The following PRKCE variants were observed in gnomAD, a reference collection of about 807,000 sequenced individuals.
PRKCE encodes protein kinase C epsilon, also known as protein kinase C epsilon type.
A neutral mutation model predicts 85.4 loss-of-function variants in PRKCE; 16 were observed. The observed-to-expected ratio is 0.19, with a 90% CI of 0.13 to 0.28. The LOEUF (loss-of-function observed/expected upper bound fraction) is 0.28, where lower values mean the gene tolerates loss of function less well. PRKCE is among the 10% of genes least tolerant of loss of function. The pLI is 1.00. For synonymous variants in PRKCE, 388 were observed against 371.5 expected, an observed-to-expected ratio of 1.04 and a Z score of -0.51; for missense variants, 573 against 975.2, an observed-to-expected ratio of 0.59 and a Z score of 5.49.
intron 10 of PRKCE, among the ~76,000 whole-genome samples, chr2:46,016,976 A>G (rs576504422): frequency 6.7e-6 from 1 of 149,930 alleles, no homozygotes; most frequent in East Asian, 1.9e-4. Context: ...CTGCCTAATG[A>G]TGTCTCTATG....
intron 1 of PRKCE, among the ~76,000 whole-genome samples, chr2:45,702,971 G>C (rs180989059): frequency 6.6e-6 from 1 of 151,952 alleles, no homozygotes; most frequent in Non-Finnish European, 1.5e-5. Flanking sequence ...TAACAGCCTC[G>C]GCAGATAACA....
chr2:45,990,983 G>GTTTC (rs1418354767), intron 6 of PRKCE, among the ~76,000 whole-genome samples: 1 of 149,356 alleles, frequency 6.7e-6, no homozygotes, highest in Non-Finnish European at 1.5e-5. Flanking sequence ...TATAATGTTA[G>GTTTC]TTTCTTTCTT....
intron 2 of PRKCE, among the ~76,000 whole-genome samples, chr2:45,899,567 G>C (rs1263954457): frequency 6.6e-6 from 1 of 151,994 alleles, no homozygotes; most frequent in Non-Finnish European, 1.5e-5. Flanking sequence ...TTTTTTTGTA[G>C]AGACGGGGCT....
intron 2 of PRKCE, among the ~76,000 whole-genome samples, chr2:45,960,687 G>A (rs945794777): frequency 5.9e-5 from 9 of 152,168 alleles, no homozygotes; most frequent in African/African-American, 2.2e-4. Flanking sequence ...TGGTCCCCTG[G>A]GGATTGGGGG....
chr2:45,979,988 GT>G (rs771744416), intron 4 of PRKCE, among the ~76,000 whole-genome samples: 13 of 152,150 alleles, frequency 8.5e-5, no homozygotes, highest in Non-Finnish European at 1.8e-4. Flanking sequence ...CTGGAAGGAA[GT>G]TTTTCCTTGA....
In PRKCE at chr2:46,184,821, G is replaced by A; in HGVS notation, c.2154G>A (p.Lys718=). 2 of 1,599,782 alleles carry A rather than the reference G, an allele frequency of 1.3e-6. No homozygotes were observed. Among genetic ancestry groups the A allele is most frequent in the Non-Finnish European group, 1.7e-6 (2 of 1,179,962 alleles). ...CCCTTGTGGACGAAGCAATTGTAAA[G>A]CAGATCAACCAGGAGGAATTCAAAG... ...VLTLVDEAIV[K]QINQEEFKGF... is the part of the protein sequence containing the mutation. Residue 718 remains lysine, a synonymous_variant, in exon 15 of 15, where the codon AAG becomes AAA. Transcript: ENST00000306156. The surrounding 1 kb of genome is among the most constrained non-coding windows in gnomAD (Gnocchi z 5.0).
At chr2:46,174,093 C>T (rs1679181382) in intron 14 of PRKCE, among the ~76,000 whole-genome samples, 1 of 152,226 alleles carries the variant, frequency 6.6e-6, no homozygotes, top group South Asian at 2.1e-4. Flanking sequence ...CTACTGACTG[C>T]CTCCAAAGGA....
intron 1 of PRKCE, among the ~76,000 whole-genome samples, chr2:45,787,655 A>G (rs950814836): frequency 6.6e-6 from 1 of 152,224 alleles, no homozygotes; most frequent in African/African-American, 2.4e-5. Context: ...GGTTCCATAT[A>G]AGATTTCATC....
chr2:46,126,692 C>G (rs555748426), intron 11 of PRKCE, among the ~76,000 whole-genome samples: 2 of 152,144 alleles, frequency 1.3e-5, no homozygotes, highest in African/African-American at 4.8e-5. Flanking sequence ...CCCCATAGGA[C>G]CTAACACAGA....
At chr2:45,733,201 T>A (rs1038716582) in intron 1 of PRKCE, among the ~76,000 whole-genome samples, 1 of 152,256 alleles carries the variant, frequency 6.6e-6, no homozygotes, top group Admixed American at 6.5e-5. Context: ...GTGAGCTTGA[T>A]GCAGGCAGAG....
At chr2:46,010,644 A>G in intron 10 of PRKCE, 127 bp downstream of exon 10, 2 of 1,599,246 alleles carry the variant, frequency 1.3e-6, no homozygotes, top group South Asian at 2.2e-5. Context: ...TTTACCCTTG[A>G]AAAGATCAGG....
At chr2:46,176,868 AT>A (rs929987343) in intron 14 of PRKCE, among the ~76,000 whole-genome samples, 1 of 152,198 alleles carries the variant, frequency 6.6e-6, no homozygotes, top group African/African-American at 2.4e-5. Flanking sequence ...AAATTTTAGG[AT>A]GACATAAAGC....
chr2:46,144,516 G>A (rs189439250), intron 11 of PRKCE, among the ~76,000 whole-genome samples: 32 of 152,190 alleles, frequency 2.1e-4, no homozygotes, highest in African/African-American at 6.7e-4. Flanking sequence ...TCCTCACAGT[G>A]TATCGAACCC....
intron 6 of PRKCE, among the ~76,000 whole-genome samples, chr2:45,998,515 A>C (rs964654742): frequency 2.0e-5 from 3 of 152,070 alleles, no homozygotes; most frequent in African/African-American, 7.2e-5. Context: ...ATCTTACTCT[A>C]TGTCTTTACT....
At chr2:45,984,710 C>T (rs1703170045) in intron 6 of PRKCE, 30 bp downstream of exon 6, 1 of 1,579,342 alleles carries the variant, frequency 6.3e-7, no homozygotes, top group Non-Finnish European at 8.6e-7. Context: ...GCCCTCAGCC[C>T]CTGCATGTCC....
chr2:46,145,296 A>G lies in PRKCE; in HGVS notation c.1731+65A>G, dbSNP rs1192949595. 1.9e-6 allele frequency: 3 copies of G among 1,576,100 alleles called. No homozygotes were observed. Among genetic ancestry groups the G allele is most frequent in the African/African-American group, 2.7e-5 (2 of 74,422 alleles). ...AGGACCGAGGCAGGGGTCCAAACCC[A>G]TGCACTGGGGTCATCTAGTGGTGCT... On this transcript the variant is annotated intron_variant, in intron 12 of 14. Transcript: ENST00000306156. The surrounding 1 kb of genome is among the most constrained non-coding windows in gnomAD (Gnocchi z 4.6).
At chr2:45,734,279 C>T (rs998193085) in intron 1 of PRKCE, among the ~76,000 whole-genome samples, 3 of 151,784 alleles carry the variant, frequency 2.0e-5, no homozygotes, top group East Asian at 1.9e-4. Flanking sequence ...GCAGGAGAAT[C>T]GCTTGAACCT....
At chr2:46,180,141 G>A (rs1679824953) in intron 14 of PRKCE, among the ~76,000 whole-genome samples, 1 of 152,168 alleles carries the variant, frequency 6.6e-6, no homozygotes, top group South Asian at 2.1e-4. Flanking sequence ...GATGGTGAGG[G>A]CACCCACAAG....
chr2:45,903,883 TTTTTTTTG>T (rs940530875), intron 2 of PRKCE, among the ~76,000 whole-genome samples: 1 of 103,918 alleles, frequency 9.6e-6, no homozygotes, highest in African/African-American at 4.5e-5. Context: ...GCCTGGCAGT[TTTTTTTTG>T]TTTGTTTGTT....
Sources: allele counts gnomAD v4.1 joint callset (sites outside exome capture counted in the v4.1 genomes callset), GRCh38; gene constraint gnomAD v4.1.1; non-coding constraint Gnocchi (gnomAD v3.1); transcripts MANE v1.5; gene names NCBI Gene and HGNC (gene_info 2026-07-23, HGNC 2026-07-21).